CCSER1: variants seen among roughly 807,000 people sequenced by gnomAD.
CCSER1 encodes serine-rich coiled-coil domain-containing protein 1.
Under a neutral mutation model 82.0 loss-of-function variants are expected in CCSER1, and 41 were observed. The ratio of observed to expected loss-of-function variants is 0.50; its 90% CI spans 0.39 to 0.65. The LOEUF is 0.65. Among genes scored for constraint, CCSER1 ranks in the 30% least tolerant of loss-of-function variants. The pLI is 0.00. For missense variants in CCSER1, 1,119 were observed against 1,064.2 expected (o/e 1.05, Z -0.72); for synonymous variants, 414 against 383.9 (o/e 1.08, Z -0.92).
At chr4:90,434,030 C>T (rs1326032769) in intron 4 of CCSER1, among the ~76,000 whole-genome samples, 3 of 151,842 alleles carry the variant, frequency 2.0e-5, no homozygotes, top group South Asian at 2.1e-4. Context: ...ATATATTATT[C>T]GAAGTTACAA....
At chr4:90,129,374 G>C (rs778730207) in intron 1 of CCSER1, among the ~76,000 whole-genome samples, 64 of 152,312 alleles carry the variant, frequency 4.2e-4, no homozygotes, top group Non-Finnish European at 8.4e-4. Context: ...ACATGTTCCA[G>C]ATACGTAACT....
intron 3 of CCSER1, among the ~76,000 whole-genome samples, chr4:90,322,936 A>T (rs947516134): frequency 6.6e-6 from 1 of 152,064 alleles, no homozygotes; most frequent in African/African-American, 2.4e-5. Flanking sequence ...GCTACCACTG[A>T]TGTTTACGCA....
chr4:91,572,615 C>A (rs1763237823), intron 10 of CCSER1, among the ~76,000 whole-genome samples: 1 of 152,034 alleles, frequency 6.6e-6, no homozygotes, highest in African/African-American at 2.4e-5. Context: ...TAGCCAGAGG[C>A]CCCAGTTGGG....
chr4:91,226,902 T>C (rs550751029), intron 10 of CCSER1, among the ~76,000 whole-genome samples: 58 of 151,952 alleles, frequency 3.8e-4, no homozygotes, highest in South Asian at 3.3e-3. Context: ...TTTAAGTAAA[T>C]ATATCACAGT....
chr4:91,466,139 A>G (rs1487063016), intron 10 of CCSER1, among the ~76,000 whole-genome samples: 1 of 152,312 alleles, frequency 6.6e-6, no homozygotes, highest in East Asian at 1.9e-4. Flanking sequence ...GGAGCACGTC[A>G]AAAAGCTTAT....
At chr4:90,420,498 T>A in intron 4 of CCSER1, among the ~76,000 whole-genome samples, 1 of 152,046 alleles carries the variant, frequency 6.6e-6, no homozygotes, top group East Asian at 1.9e-4. Flanking sequence ...AAGATGGCAA[T>A]TATTTGATTT....
At chr4:90,808,225 T>C (rs1201478345) in intron 7 of CCSER1, among the ~76,000 whole-genome samples, 2 of 152,140 alleles carry the variant, frequency 1.3e-5, no homozygotes, top group South Asian at 2.1e-4. Context: ...ATTCTCACCA[T>C]GTACAAAAAT....
chr4:91,452,962 C>T (rs1037968127), intron 10 of CCSER1, among the ~76,000 whole-genome samples: 6 of 152,000 alleles, frequency 3.9e-5, no homozygotes, highest in Admixed American at 2.0e-4. Flanking sequence ...CTCAAGACTT[C>T]GCATATCAAG....
chr4:90,663,926 GC>G (rs1731259654), intron 6 of CCSER1: 1 of 308,016 alleles, frequency 3.2e-6, no homozygotes, highest in Admixed American at 3.1e-5. Context: ...TGAAGCTAAT[GC>G]TTAAGAATGT....
At chr4:91,027,075 T>C (rs777802376) in intron 9 of CCSER1, among the ~76,000 whole-genome samples, 20 of 152,096 alleles carry the variant, frequency 1.3e-4, no homozygotes, top group Non-Finnish European at 2.4e-4. Context: ...TAAACAAGTG[T>C]TATTAGTAAC....
chr4:90,583,720 G>A (rs900086156), intron 5 of CCSER1, among the ~76,000 whole-genome samples: 1 of 151,734 alleles, frequency 6.6e-6, no homozygotes, highest in Non-Finnish European at 1.5e-5. Flanking sequence ...TTTATGTGGT[G>A]TTTCAGCACA....
At chr4:90,203,173 C>T (rs571172001) in intron 1 of CCSER1, among the ~76,000 whole-genome samples, 1 of 152,134 alleles carries the variant, frequency 6.6e-6, no homozygotes. Context: ...AATATTTAAT[C>T]GTTTATGATA....
intron 9 of CCSER1, among the ~76,000 whole-genome samples, chr4:90,953,056 A>G (rs1355014258): frequency 1.3e-5 from 2 of 151,954 alleles, no homozygotes; most frequent in Admixed American, 6.6e-5. Context: ...ATTTTGGGGC[A>G]TATTTATATT....
chr4:90,455,742 T>G (rs1288924129), intron 4 of CCSER1, among the ~76,000 whole-genome samples: 2 of 152,184 alleles, frequency 1.3e-5, no homozygotes, highest in African/African-American at 4.8e-5. Flanking sequence ...TGGTGCCTAA[T>G]CCTCCTGCTT....
intron 10 of CCSER1, among the ~76,000 whole-genome samples, chr4:91,145,623 G>A (rs1729462391): frequency 1.3e-5 from 2 of 151,986 alleles, no homozygotes; most frequent in East Asian, 1.9e-4. Context: ...ATCTCTCTTC[G>A]GCGTCACTGT....
chr4:90,948,057 T>C (rs1310059294), intron 9 of CCSER1, among the ~76,000 whole-genome samples: 1 of 152,050 alleles, frequency 6.6e-6, no homozygotes, highest in Admixed American at 6.6e-5. Flanking sequence ...GTAATTTTAG[T>C]TCATAAACAA....
chr4:90,302,502 T>C (rs1163799588), intron 1 of CCSER1, among the ~76,000 whole-genome samples: 1 of 152,098 alleles, frequency 6.6e-6, no homozygotes, highest in African/African-American at 2.4e-5. Flanking sequence ...TGAAAGTGAT[T>C]AGAATATGGC....
chr4:91,566,046 T>A (rs564713269), intron 10 of CCSER1, among the ~76,000 whole-genome samples: 1 of 152,222 alleles, frequency 6.6e-6, no homozygotes, highest in African/African-American at 2.4e-5. Context: ...TAGCTCTTAT[T>A]ATTTTGAGTT....
At chr4:90,784,813 T>G (rs1754252666) in intron 7 of CCSER1, among the ~76,000 whole-genome samples, 1 of 152,216 alleles carries the variant, frequency 6.6e-6, no homozygotes, top group Non-Finnish European at 1.5e-5. Flanking sequence ...ATGTATTTTG[T>G]TTATGTATTA....
Sources: allele counts gnomAD v4.1 joint callset (sites outside exome capture counted in the v4.1 genomes callset), GRCh38; gene constraint gnomAD v4.1.1; transcripts MANE v1.5; gene names NCBI Gene and HGNC (gene_info 2026-07-23, HGNC 2026-07-21).